The following FIGN variants were observed in gnomAD, a reference collection of about 807,000 sequenced individuals.
FIGN encodes the protein fidgetin, microtubule severing factor.
In FIGN, 11 loss-of-function variants were observed where a neutral mutation model predicts 51.3. The ratio of observed to expected loss-of-function variants is 0.21; its 90% CI spans 0.13 to 0.35. The LOEUF is 0.35. FIGN is among the 10% of genes least tolerant of loss of function. The pLI, the probability that FIGN is intolerant of heterozygous loss-of-function variation, is 1.00. For missense variants in FIGN, 857 were observed against 943.6 expected (o/e 0.91, Z 1.20); for synonymous variants, 407 against 363.2 (o/e 1.12, Z -1.37).
At position 163,605,511 on chromosome 2, in the gene FIGN, T is replaced by C. The variant is rs1456767207; in HGVS notation, c.*4041A>G. 6.6e-6 allele frequency: 1 copy of C among 152,000 alleles called. No individual in the cohort carries two copies. The highest frequency in any genetic ancestry group is 1.9e-4 in the East Asian group (1 of 5,192). The allele number at this position is 152,000 out of a possible 1,614,324, so 9.4% of individuals were successfully genotyped here. On this transcript the variant is annotated 3_prime_UTR_variant, in exon 3 of 3. Coordinates refer to ENST00000333129, the MANE Select transcript of FIGN (RefSeq NM_018086.4). Reference sequence around the variant, plus strand: ...ACATGATCATGTGTATCTCTGCACATATGAAGAAAGGAAGTAACAAGTTGC... The same window carrying C: ...ACATGATCATGTGTATCTCTGCACACATGAAGAAAGGAAGTAACAAGTTGC...
At chr2:163,647,115 G>C (rs1445413977) in intron 2 of FIGN, among the ~76,000 whole-genome samples, 1 of 152,164 alleles carries the variant, frequency 6.6e-6, no homozygotes, top group Non-Finnish European at 1.5e-5. Context: ...TGGAACAAAG[G>C]CTCTCTCTGT....
chr2:163,683,564 A>G (rs900705666), intron 2 of FIGN, among the ~76,000 whole-genome samples: 1 of 152,216 alleles, frequency 6.6e-6, no homozygotes, highest in Non-Finnish European at 1.5e-5. Flanking sequence ...GGAGTCAAAA[A>G]TAGCATTCCA....
intron 2 of FIGN, among the ~76,000 whole-genome samples, chr2:163,643,588 G>C (rs1683336304): frequency 6.6e-6 from 1 of 151,380 alleles, no homozygotes; most frequent in African/African-American, 2.4e-5. Flanking sequence ...GAGATGGAGT[G>C]GGTAGTGAGC....
chr2:163,638,140 A>C (rs1400385716), intron 2 of FIGN, among the ~76,000 whole-genome samples: 1 of 152,020 alleles, frequency 6.6e-6, no homozygotes, highest in East Asian at 1.9e-4. Context: ...GTCAATGGTG[A>C]ATATTGGTTC....
At chr2:163,719,260 A>T (rs776695820) in intron 2 of FIGN, among the ~76,000 whole-genome samples, 1 of 152,140 alleles carries the variant, frequency 6.6e-6, no homozygotes. Context: ...GGATGATGTG[A>T]TTGAATTGAT....
intron 2 of FIGN, among the ~76,000 whole-genome samples, chr2:163,708,271 CTTAA>C (rs147455514): frequency 0.084 from 12,788 of 152,114 alleles, 663 homozygotes; most frequent in Admixed American, 0.11. Flanking sequence ...TAACCAGTGC[CTTAA>C]TTAACTAGTA....
intron 2 of FIGN, among the ~76,000 whole-genome samples, chr2:163,650,425 G>A (rs1422857215): frequency 1.3e-5 from 2 of 151,438 alleles, no homozygotes; most frequent in African/African-American, 4.9e-5. Context: ...TAAGTTCTGC[G>A]ACACATGTGC....
At chr2:163,724,697 T>C (rs1684813289) in intron 2 of FIGN, among the ~76,000 whole-genome samples, 1 of 152,160 alleles carries the variant, frequency 6.6e-6, no homozygotes, top group Non-Finnish European at 1.5e-5. Flanking sequence ...AAAGGACATA[T>C]ACCTCCATCT....
chr2:163,615,989 A>T (rs1014106596), intron 2 of FIGN, among the ~76,000 whole-genome samples: 2 of 152,200 alleles, frequency 1.3e-5, no homozygotes, highest in African/African-American at 4.8e-5. Context: ...AGTGTTACAT[A>T]GGAATGACAG....
At chr2:163,726,037 G>A (rs1481954053) in intron 2 of FIGN, among the ~76,000 whole-genome samples, 1 of 151,998 alleles carries the variant, frequency 6.6e-6, no homozygotes, top group East Asian at 1.9e-4. Context: ...AGAATTATAG[G>A]AAACATATTT....
chr2:163,655,787 A>G (rs1476462146), intron 2 of FIGN, among the ~76,000 whole-genome samples: 1 of 142,650 alleles, frequency 7.0e-6, no homozygotes, highest in Non-Finnish European at 1.5e-5. Flanking sequence ...ACACACACGC[A>G]CACACACACA....
At chr2:163,695,339 CTT>C (rs966374292) in intron 2 of FIGN, among the ~76,000 whole-genome samples, 1 of 152,124 alleles carries the variant, frequency 6.6e-6, no homozygotes, top group Non-Finnish European at 1.5e-5. Context: ...GTTATTGCCT[CTT>C]GACTACCTAA....
intron 2 of FIGN, among the ~76,000 whole-genome samples, chr2:163,659,764 C>T (rs778475383): frequency 6.6e-6 from 1 of 152,158 alleles, no homozygotes; most frequent in Non-Finnish European, 1.5e-5. Context: ...CTTTTTTCTT[C>T]TTCCCCTGAA....
At chr2:163,723,174 G>A (rs1684786531) in intron 2 of FIGN, among the ~76,000 whole-genome samples, 1 of 151,822 alleles carries the variant, frequency 6.6e-6, no homozygotes, top group African/African-American at 2.4e-5. Context: ...CTGGGTGACA[G>A]AGCAAGACTC....
chr2:163,665,051 G>A (rs1683751182), intron 2 of FIGN, among the ~76,000 whole-genome samples: 1 of 152,234 alleles, frequency 6.6e-6, no homozygotes, highest in Admixed American at 6.5e-5. Flanking sequence ...GTCTGTTTGT[G>A]AGTTGCCACT....
intron 2 of FIGN, among the ~76,000 whole-genome samples, chr2:163,654,782 T>C (rs1245454948): frequency 6.6e-6 from 1 of 152,186 alleles, no homozygotes; most frequent in East Asian, 1.9e-4. Context: ...TACATGTGTA[T>C]GCTCGTATCA....
At chr2:163,689,173 AAC>A (rs58519537) in intron 2 of FIGN, among the ~76,000 whole-genome samples, 1 of 144,654 alleles carries the variant, frequency 6.9e-6, no homozygotes, top group African/African-American at 2.6e-5. Context: ...AACAAAAATG[AAC>A]ACACACACAC....
intron 2 of FIGN, among the ~76,000 whole-genome samples, chr2:163,616,057 T>C (rs755163088): frequency 2.0e-5 from 3 of 150,298 alleles, no homozygotes; most frequent in Non-Finnish European, 3.0e-5. Context: ...GATGACTCCA[T>C]GTATATATAA....
intron 2 of FIGN, among the ~76,000 whole-genome samples, chr2:163,632,859 A>G (rs1050375142): frequency 6.6e-6 from 1 of 152,104 alleles, no homozygotes; most frequent in Non-Finnish European, 1.5e-5. Context: ...TTCCTTTCCT[A>G]ATCCTGACAA....
Sources: allele counts gnomAD v4.1 joint callset (sites outside exome capture counted in the v4.1 genomes callset), GRCh38; gene constraint gnomAD v4.1.1; transcripts MANE v1.5; gene names NCBI Gene and HGNC (gene_info 2026-07-23, HGNC 2026-07-21).